SLC26A7: variants seen among roughly 807,000 people sequenced by gnomAD.
The protein encoded by SLC26A7 is solute carrier family 26 member 7.
A neutral mutation model predicts 82.5 loss-of-function variants in SLC26A7; 59 were observed. That is an observed-to-expected ratio of 0.72 (90% CI 0.58 to 0.89). The LOEUF (loss-of-function observed/expected upper bound fraction) is 0.89, where lower values mean the gene tolerates loss of function less well. SLC26A7 is among the 40% of genes least tolerant of loss of function. SLC26A7 has a pLI of 0.00. For synonymous variants in SLC26A7, 271 were observed against 274.3 expected, an observed-to-expected ratio of 0.99 and a Z score of 0.12; for missense variants, 820 against 793.0, an observed-to-expected ratio of 1.03 and a Z score of -0.41.
chr8:91,362,297 TGAGAA>T, intron 11 of SLC26A7, 51 bp from the exon 12 acceptor site: 1 of 1,302,660 alleles, frequency 7.7e-7, no homozygotes, highest in Non-Finnish European at 1.1e-6. Context: ...TTAGCAATAA[TGAGAA>T]GAAGTGAATT....
chr8:91,242,180 C>A (rs1190204236), intron 2 of SLC26A7, among the ~76,000 whole-genome samples: 2 of 152,124 alleles, frequency 1.3e-5, no homozygotes, highest in African/African-American at 4.8e-5. Context: ...TTTAGACAAA[C>A]TTCAATATCT....
intron 11 of SLC26A7, among the ~76,000 whole-genome samples, chr8:91,354,115 G>C (rs533889849): frequency 1.3e-5 from 2 of 152,188 alleles, no homozygotes; most frequent in African/African-American, 4.8e-5. Flanking sequence ...TTTTAAAGGT[G>C]ATACATGTTA....
chr8:91,315,441 C>T (rs1015263384), intron 4 of SLC26A7, among the ~76,000 whole-genome samples: 14 of 146,154 alleles, frequency 9.6e-5, no homozygotes, highest in African/African-American at 3.6e-4. Context: ...CAACTGACCA[C>T]GAATCAAGAG....
chr8:91,384,967 TACTC>T (rs1381738730), intron 15 of SLC26A7, among the ~76,000 whole-genome samples: 14 of 152,186 alleles, frequency 9.2e-5, no homozygotes, highest in Admixed American at 1.3e-4. Flanking sequence ...AATTATGAGT[TACTC>T]ACAGACTGTC....
At chr8:91,237,443 C>T (rs1226318325) in intron 2 of SLC26A7, among the ~76,000 whole-genome samples, 11 of 152,134 alleles carry the variant, frequency 7.2e-5, no homozygotes, top group Admixed American at 7.2e-4. Context: ...AACTCAATTT[C>T]TTTCCTCTCT....
At chr8:91,320,428 A>G (rs1036559539) in intron 5 of SLC26A7, among the ~76,000 whole-genome samples, 5 of 152,226 alleles carry the variant, frequency 3.3e-5, no homozygotes, top group Admixed American at 2.0e-4. Flanking sequence ...TTGCTTTTCA[A>G]TTATCACAGA....
chr8:91,273,554 G>A (rs544042522), intron 2 of SLC26A7, among the ~76,000 whole-genome samples: 4 of 152,242 alleles, frequency 2.6e-5, no homozygotes, highest in Admixed American at 2.0e-4. Context: ...ATGTATATAT[G>A]AGACATACAG....
At chr8:91,216,475 C>T (rs1440978369) in intron 1 of SLC26A7, among the ~76,000 whole-genome samples, 1 of 152,102 alleles carries the variant, frequency 6.6e-6, no homozygotes, top group Non-Finnish European at 1.5e-5. Flanking sequence ...CTCTAACTTC[C>T]TCCTCTTGGT....
chr8:91,322,652 T>C (rs866670602), intron 5 of SLC26A7, among the ~76,000 whole-genome samples: 8 of 152,218 alleles, frequency 5.3e-5, no homozygotes, highest in Admixed American at 1.3e-4. Flanking sequence ...ATGGTGCCAG[T>C]GTCTCAGCCT....
At chr8:91,314,897 T>C (rs1297619510) in intron 4 of SLC26A7, among the ~76,000 whole-genome samples, 2 of 152,240 alleles carry the variant, frequency 1.3e-5, no homozygotes, top group Non-Finnish European at 2.9e-5. Flanking sequence ...AATGGTTGAA[T>C]TCTTTTTATA....
intron 3 of SLC26A7, among the ~76,000 whole-genome samples, chr8:91,289,780 T>G (rs543713670): frequency 2.0e-5 from 3 of 152,252 alleles, no homozygotes; most frequent in Non-Finnish European, 4.4e-5. Flanking sequence ...ATTTGATATG[T>G]GGACTAAATG....
At chr8:91,243,891 G>GAAAC (rs1810507055) in intron 2 of SLC26A7, among the ~76,000 whole-genome samples, 1 of 152,072 alleles carries the variant, frequency 6.6e-6, no homozygotes, top group South Asian at 2.1e-4. Context: ...CCACTTAAAA[G>GAAAC]AAACCTGCAT....
chr8:91,228,911 A>C (rs1810275552), intron 2 of SLC26A7, among the ~76,000 whole-genome samples: 1 of 152,234 alleles, frequency 6.6e-6, no homozygotes, highest in Admixed American at 6.5e-5. Flanking sequence ...AAAGAATAAA[A>C]TATCCATATC....
At chr8:91,239,387 A>ATATATATATATATATATATAT (rs1370145787) in intron 2 of SLC26A7, among the ~76,000 whole-genome samples, 1 of 106,528 alleles carries the variant, frequency 9.4e-6, no homozygotes, top group African/African-American at 3.4e-5. Context: ...AAAAAAAAAA[A>ATATATATATATATATATATAT]AAAAAAAAAT....
intron 2 of SLC26A7, among the ~76,000 whole-genome samples, chr8:91,251,566 T>C (rs1445056886): frequency 6.6e-6 from 1 of 152,138 alleles, no homozygotes; most frequent in East Asian, 1.9e-4. Context: ...TATAGACAGT[T>C]AAAAAGTGAA....
chr8:91,313,843 C>T (rs1267708857), intron 4 of SLC26A7, among the ~76,000 whole-genome samples: 2 of 152,190 alleles, frequency 1.3e-5, no homozygotes, highest in African/African-American at 4.8e-5. Flanking sequence ...GACTAACCAA[C>T]ATAACCTAAA....
intron 2 of SLC26A7, among the ~76,000 whole-genome samples, chr8:91,239,391 A>ATATATATATATAT (rs1385660578): frequency 1.9e-4 from 20 of 105,232 alleles, no homozygotes; most frequent in African/African-American, 6.1e-4. Flanking sequence ...AAAAAAAAAA[A>ATATATATATATAT]AAAAATATAT....
chr8:91,302,200 T>C (rs897290631), intron 4 of SLC26A7, among the ~76,000 whole-genome samples: 8 of 152,118 alleles, frequency 5.3e-5, no homozygotes, highest in Non-Finnish European at 1.0e-4. Flanking sequence ...TAAAGATCAG[T>C]ATATAGCTAT....
intron 2 of SLC26A7, among the ~76,000 whole-genome samples, chr8:91,286,315 T>C (rs1811709041): frequency 6.6e-6 from 1 of 152,234 alleles, no homozygotes; most frequent in Non-Finnish European, 1.5e-5. Flanking sequence ...TATGGGAATC[T>C]AGAATTTCTT....
Sources: gnomAD v4.1 joint callset for allele counts (sites outside exome capture counted in the v4.1 genomes callset) on GRCh38, gnomAD v4.1.1 for gene constraint, MANE v1.5 for transcripts, NCBI Gene and HGNC (gene_info 2026-07-23, HGNC 2026-07-21) for gene names.